The following ARB2A variants were observed in gnomAD, a reference collection of about 807,000 sequenced individuals.
The protein encoded by ARB2A is ARB2 cotranscriptional regulator A.
the ARB2A span, among the ~76,000 whole-genome samples, chr5:93,878,657 AC>A: frequency 3.3e-5 from 5 of 152,066 alleles, no homozygotes; most frequent in African/African-American, 1.2e-4. Context: ...AGAAATACTT[AC>A]ATTTATACAT....
chr5:93,823,664 C>G, the ARB2A span, among the ~76,000 whole-genome samples: 3 of 152,054 alleles, frequency 2.0e-5, no homozygotes, highest in Non-Finnish European at 4.4e-5. Context: ...AAGGAACAGG[C>G]AAAAAGCTTT....
chr5:93,697,424 AG>A, the ARB2A span, among the ~76,000 whole-genome samples: 2 of 152,218 alleles, frequency 1.3e-5, no homozygotes, highest in Non-Finnish European at 2.9e-5. Context: ...ATAATTAAAT[AG>A]TTAAATAATC....
At chr5:93,947,919 T>A in the ARB2A span, among the ~76,000 whole-genome samples, 2 of 152,064 alleles carry the variant, frequency 1.3e-5, no homozygotes, top group Non-Finnish European at 2.9e-5. Flanking sequence ...TCTATCATTG[T>A]CGGACATTTG....
chr5:93,916,179 C>G, the ARB2A span, among the ~76,000 whole-genome samples: 1 of 152,092 alleles, frequency 6.6e-6, no homozygotes, highest in Non-Finnish European at 1.5e-5. Context: ...TATAAACACA[C>G]TCTCCTTCTA....
At chr5:93,852,686 TC>T in the ARB2A span, among the ~76,000 whole-genome samples, 2 of 152,210 alleles carry the variant, frequency 1.3e-5, no homozygotes, top group East Asian at 3.9e-4. Context: ...TAGCCAGTTT[TC>T]CCAGCACCAT....
the ARB2A span, among the ~76,000 whole-genome samples, chr5:94,020,653 G>A: frequency 6.6e-6 from 1 of 152,132 alleles, no homozygotes; most frequent in Non-Finnish European, 1.5e-5. Context: ...GGTACATATT[G>A]TAGATCTGAT....
At chr5:93,803,061 A>G in the ARB2A span, among the ~76,000 whole-genome samples, 2 of 152,086 alleles carry the variant, frequency 1.3e-5, no homozygotes, top group Admixed American at 6.6e-5. Flanking sequence ...AAAATCTCCA[A>G]TGGAAATGGA....
chr5:94,023,542 T>C, the ARB2A span, among the ~76,000 whole-genome samples: 2 of 152,216 alleles, frequency 1.3e-5, no homozygotes, highest in African/African-American at 2.4e-5. Context: ...CACCTCTGCT[T>C]TGGAACCTGA....
At chr5:93,984,226 T>C in the ARB2A span, among the ~76,000 whole-genome samples, 1 of 152,078 alleles carries the variant, frequency 6.6e-6, no homozygotes, top group African/African-American at 2.4e-5. Flanking sequence ...CACAGGAATT[T>C]ACATAATTAC....
At chr5:94,105,480 C>T in the ARB2A span, among the ~76,000 whole-genome samples, 5 of 150,752 alleles carry the variant, frequency 3.3e-5, no homozygotes, top group African/African-American at 7.3e-5. Flanking sequence ...CTGAAGAAAT[C>T]GGAAACAACA....
the ARB2A span, among the ~76,000 whole-genome samples, chr5:93,926,219 TC>T: frequency 6.6e-6 from 1 of 151,846 alleles, no homozygotes; most frequent in Non-Finnish European, 1.5e-5. Flanking sequence ...AACCTCTGCC[TC>T]CCGGTTTCAA....
the ARB2A span, among the ~76,000 whole-genome samples, chr5:93,924,922 C>T: frequency 6.6e-6 from 1 of 152,102 alleles, no homozygotes; most frequent in African/African-American, 2.4e-5. Flanking sequence ...CTATTCTGTG[C>T]TCTCAAGGAG....
the ARB2A span, chr5:93,740,700 T>C: frequency 3.1e-6 from 5 of 1,613,768 alleles, no homozygotes; most frequent in Admixed American, 5.0e-5. Context: ...AGCACACTGG[T>C]GCTCCTGGGC....
At chr5:93,887,942 G>A in the ARB2A span, among the ~76,000 whole-genome samples, 3 of 151,854 alleles carry the variant, frequency 2.0e-5, no homozygotes, top group Non-Finnish European at 4.4e-5. Flanking sequence ...CACACAAAAG[G>A]TGAAATTGTA....
chr5:93,656,745 T>A, the ARB2A span, among the ~76,000 whole-genome samples: 3 of 152,132 alleles, frequency 2.0e-5, no homozygotes, highest in Non-Finnish European at 4.4e-5. Context: ...CCCACAGCAC[T>A]ATATGGCAGA....
At chr5:93,737,914 G>A in the ARB2A span, 1 of 448,144 alleles carries the variant, frequency 2.2e-6, no homozygotes, top group South Asian at 1.6e-5. Flanking sequence ...AAATCTTCAT[G>A]ACTTTGCATT....
chr5:93,782,934 T>C, the ARB2A span, among the ~76,000 whole-genome samples: 1 of 152,128 alleles, frequency 6.6e-6, no homozygotes, highest in Admixed American at 6.6e-5. Context: ...AAAGCTATGC[T>C]TGCAAAGAAA....
chr5:93,755,773 G>T, the ARB2A span, among the ~76,000 whole-genome samples: 1 of 152,228 alleles, frequency 6.6e-6, no homozygotes, highest in Non-Finnish European at 1.5e-5. Flanking sequence ...TGGCATCACA[G>T]GGATCCAACT....
chr5:93,892,059 C>T, the ARB2A span, among the ~76,000 whole-genome samples: 1 of 152,142 alleles, frequency 6.6e-6, no homozygotes, highest in African/African-American at 2.4e-5. Context: ...TACATTACAT[C>T]AAACACAGGA....
Sources: gnomAD v4.1 joint callset for allele counts (sites outside exome capture counted in the v4.1 genomes callset) on GRCh38, gnomAD v4.1.1 for gene constraint, MANE v1.5 for transcripts, NCBI Gene and HGNC (gene_info 2026-07-23, HGNC 2026-07-21) for gene names.